Variants in DIAPH3 observed in about 807,000 individuals in gnomAD.
DIAPH3 encodes the protein diaphanous related formin 3.
Under a neutral mutation model 144.3 loss-of-function variants are expected in DIAPH3, and 117 were observed. The ratio of observed to expected loss-of-function variants is 0.81; its 90% CI spans 0.70 to 0.95. DIAPH3 has a LOEUF of 0.95. Ranked by LOEUF, DIAPH3 falls within the 40% of genes least tolerant of loss-of-function variation. The probability of loss-of-function intolerance (pLI) is 0.00; values close to 1 mark genes in which losing one functional copy is unlikely to be tolerated. For synonymous variants in DIAPH3, 519 were observed against 488.9 expected, an observed-to-expected ratio of 1.06 and a Z score of -0.81; for missense variants, 1,421 against 1,412.7, an observed-to-expected ratio of 1.01 and a Z score of -0.09.
intron 27 of DIAPH3, among the ~76,000 whole-genome samples, chr13:59,676,304 C>CTA (rs1176592669): frequency 6.6e-6 from 1 of 152,196 alleles, no homozygotes; most frequent in Non-Finnish European, 1.5e-5. Flanking sequence ...TTGGTCAGCT[C>CTA]TAATAATTAC....
At chr13:60,132,428 T>C (rs560575953) in intron 2 of DIAPH3, among the ~76,000 whole-genome samples, 2 of 152,308 alleles carry the variant, frequency 1.3e-5, no homozygotes, top group African/African-American at 4.8e-5. Context: ...TAAAAATATA[T>C]TTCTCAGAAA....
intron 25 of DIAPH3, among the ~76,000 whole-genome samples, chr13:59,794,840 A>G (rs2039507655): frequency 6.6e-6 from 1 of 152,184 alleles, no homozygotes; most frequent in Admixed American, 6.6e-5. Context: ...AACATTTTGG[A>G]ATATTTCTAA....
chr13:60,040,609 A>T (rs1264607521), intron 5 of DIAPH3, among the ~76,000 whole-genome samples: 1 of 152,156 alleles, frequency 6.6e-6, no homozygotes, highest in Non-Finnish European at 1.5e-5. Flanking sequence ...GAATAATAGT[A>T]GTAGTAAATA....
At chr13:59,845,301 C>T (rs1313949272) in intron 22 of DIAPH3, among the ~76,000 whole-genome samples, 1 of 152,124 alleles carries the variant, frequency 6.6e-6, no homozygotes, top group Non-Finnish European at 1.5e-5. Context: ...CTTGGACTCC[C>T]AAAGTGTTGG....
At chr13:59,736,134 T>C (rs773917905) in intron 27 of DIAPH3, among the ~76,000 whole-genome samples, 1 of 152,244 alleles carries the variant, frequency 6.6e-6, no homozygotes. Context: ...TTCTTTTTTA[T>C]GGCTATATAG....
intron 25 of DIAPH3, among the ~76,000 whole-genome samples, chr13:59,785,277 C>T (rs1856535598): frequency 1.3e-5 from 2 of 152,018 alleles, no homozygotes; most frequent in South Asian, 4.1e-4. Flanking sequence ...ATGATTTGTA[C>T]AAATTTCATT....
At chr13:60,071,221 G>A (rs1261885643) in intron 4 of DIAPH3, among the ~76,000 whole-genome samples, 1 of 152,156 alleles carries the variant, frequency 6.6e-6, no homozygotes, top group Non-Finnish European at 1.5e-5. Context: ...CCAAGGAGAA[G>A]TTGACCCCAA....
chr13:59,991,956 G>A (rs760341694), intron 11 of DIAPH3, 112 bp downstream of exon 11: 1 of 851,568 alleles, frequency 1.2e-6, no homozygotes, highest in Non-Finnish European at 2.0e-6. Context: ...ATGCATGAAG[G>A]TTTGATTTCA....
intron 27 of DIAPH3, among the ~76,000 whole-genome samples, chr13:59,742,759 A>G (rs2036527932): frequency 6.6e-6 from 1 of 152,144 alleles, no homozygotes; most frequent in African/African-American, 2.4e-5. Context: ...TCTCTTCTAC[A>G]CAGTAGGTCC....
chr13:60,069,651 G>C (rs1218284411), intron 4 of DIAPH3, among the ~76,000 whole-genome samples: 1 of 152,036 alleles, frequency 6.6e-6, no homozygotes, highest in Non-Finnish European at 1.5e-5. Flanking sequence ...GTTGATTTTT[G>C]TATATGGTGT....
intron 4 of DIAPH3, among the ~76,000 whole-genome samples, chr13:60,045,567 T>C (rs562957586): frequency 6.6e-6 from 1 of 152,312 alleles, no homozygotes; most frequent in African/African-American, 2.4e-5. Flanking sequence ...ATTGCATTAC[T>C]TACTTAATTA....
intron 2 of DIAPH3, 30 bp from the exon 3 acceptor site, chr13:60,112,216 T>G (rs767509404): frequency 2.5e-6 from 4 of 1,612,292 alleles, no homozygotes; most frequent in Non-Finnish European, 3.4e-6. Flanking sequence ...GACACACGTG[T>G]AAGTATTTCC....
intron 5 of DIAPH3, among the ~76,000 whole-genome samples, chr13:60,027,610 C>G (rs2054470290): frequency 6.6e-6 from 1 of 151,914 alleles, no homozygotes; most frequent in Non-Finnish European, 1.5e-5. Flanking sequence ...GATGAAAAAA[C>G]AGTAAAACAA....
intron 25 of DIAPH3, among the ~76,000 whole-genome samples, chr13:59,809,100 GA>G (rs1161603750): frequency 2.0e-5 from 3 of 152,152 alleles, no homozygotes; most frequent in African/African-American, 7.2e-5. Flanking sequence ...GTATAAGAGA[GA>G]ATTACTGAGA....
chr13:59,711,772 T>C (rs1178462042), intron 27 of DIAPH3, among the ~76,000 whole-genome samples: 4 of 152,140 alleles, frequency 2.6e-5, no homozygotes, highest in African/African-American at 9.7e-5. Context: ...TTTGAATAAC[T>C]CCAAGGCACA....
chr13:59,913,221 A>C lies in DIAPH3; in HGVS notation c.2266-1385T>G, dbSNP rs1024455223. On this transcript the variant is annotated intron_variant, in intron 19 of 27. Transcript: ENST00000400324. Reference sequence around the variant, plus strand: ...TTTTCATCTTTCACCTGAATTTTTTAATTTTTTCACTCCATTAATTTTACA... The same window carrying C: ...TTTTCATCTTTCACCTGAATTTTTTCATTTTTTCACTCCATTAATTTTACA... Among the ~76,000 whole-genome samples, 35 of 152,172 alleles carry C rather than the reference A, an allele frequency of 2.3e-4. 1 individual carries two copies. The highest frequency in any genetic ancestry group is 6.8e-3 in the Middle Eastern group (2 of 294).
chr13:59,709,827 A>G (rs1051665300), intron 27 of DIAPH3, among the ~76,000 whole-genome samples: 4 of 152,182 alleles, frequency 2.6e-5, no homozygotes, highest in Non-Finnish European at 5.9e-5. Flanking sequence ...TCACAATAGC[A>G]AAGACTTGGA....
At chr13:59,847,808 G>A (rs917619026) in intron 22 of DIAPH3, among the ~76,000 whole-genome samples, 2 of 152,162 alleles carry the variant, frequency 1.3e-5, no homozygotes, top group African/African-American at 4.8e-5. Flanking sequence ...CCAAGATTGT[G>A]TATTAGCTGG....
chr13:60,111,426 C>G (rs925808526), intron 3 of DIAPH3, among the ~76,000 whole-genome samples: 1 of 152,194 alleles, frequency 6.6e-6, no homozygotes, highest in East Asian at 1.9e-4. Flanking sequence ...GGACTGGACT[C>G]AGACCACTTA....
Sources: allele counts gnomAD v4.1 joint callset (sites outside exome capture counted in the v4.1 genomes callset), GRCh38; gene constraint gnomAD v4.1.1; transcripts MANE v1.5; gene names NCBI Gene and HGNC (gene_info 2026-07-23, HGNC 2026-07-21).